BLOC1S3: variants seen among roughly 807,000 people sequenced by gnomAD.
The protein encoded by BLOC1S3 is biogenesis of lysosomal organelles complex 1 subunit 3.
BLOC1S3 carries 7 observed loss-of-function variants against 9.1 expected under a neutral mutation model. That is an observed-to-expected ratio of 0.77 (90% CI 0.44 to 1.45). The LOEUF (loss-of-function observed/expected upper bound fraction) is 1.45, where lower values mean the gene tolerates loss of function less well. BLOC1S3 is among the 40% of genes most tolerant of loss of function. The probability of loss-of-function intolerance (pLI) is 0.01; values close to 1 mark genes in which losing one functional copy is unlikely to be tolerated. For missense variants in BLOC1S3, 307 were observed against 315.2 expected (o/e 0.97, Z 0.20); for synonymous variants, 145 against 158.4 (o/e 0.92, Z 0.64).
At chr19:45,198,490 C>T (rs533697267) in intron 2 of BLOC1S3, among the ~76,000 whole-genome samples, 4 of 152,260 alleles carry the variant, frequency 2.6e-5, no homozygotes, top group South Asian at 2.1e-4. Flanking sequence ...GACAAGGTTT[C>T]GCCATGTTGG....
intron 3 of BLOC1S3, chr19:45,215,997 C>A (rs1969829598): frequency 6.3e-7 from 1 of 1,585,616 alleles, no homozygotes; most frequent in East Asian, 2.3e-5. Context: ...AGGCAGGAAG[C>A]ACAGGGACGG....
intron 3 of BLOC1S3, among the ~76,000 whole-genome samples, chr19:45,214,005 G>A (rs1237214233): frequency 1.3e-5 from 2 of 151,746 alleles, no homozygotes; most frequent in Non-Finnish European, 2.9e-5. Context: ...TAAATCCTCA[G>A]CCCTAGGTAC....
chr19:45,185,348 T>G (rs948870340), downstream of BLOC1S3, among the ~76,000 whole-genome samples: 55 of 152,148 alleles, frequency 3.6e-4, no homozygotes, highest in Non-Finnish European at 6.9e-4. Context: ...AATGAATGAA[T>G]GGCCTTCACA....
chr19:45,216,821 T>C (rs1428983079), exon 4 of BLOC1S3: 1 of 152,112 alleles, frequency 6.6e-6, no homozygotes, highest in South Asian at 2.1e-4. Flanking sequence ...AATCTACAAT[T>C]ATCTCAAAAA....
intron 3 of BLOC1S3, among the ~76,000 whole-genome samples, chr19:45,215,214 C>G (rs1264339475): frequency 6.6e-6 from 1 of 151,932 alleles, no homozygotes; most frequent in Non-Finnish European, 1.5e-5. Context: ...CGGTGGCTCA[C>G]ACTTCCCCAT....
Position 45,199,887 on chromosome 19 carries a change from T to G in BLOC1S3, n.181-2519T>G, listed in dbSNP as rs578234168. 3.1e-4 allele frequency among the ~76,000 whole-genome samples: 47 copies of G among 151,984 alleles called. 1 individual carries two copies. The highest frequency in any genetic ancestry group is 6.2e-4 in the Non-Finnish European group (42 of 68,010). On this transcript the variant is annotated intron_variant and non_coding_transcript_variant, in intron 2 of 3. Coordinates refer to the BLOC1S3 transcript ENST00000591569. ...TTCAATCAATTCTGGAGCCTCAGCC[T>G]CCTGAGTAGCTGGGATTACAGGCAT...
chr19:45,207,254 T>G lies in BLOC1S3; in HGVS notation n.282+4747T>G, dbSNP rs1264073271. 2.0e-5 allele frequency among the ~76,000 whole-genome samples: 3 copies of G among 151,822 alleles called. No individual in the cohort carries two copies. In the South Asian group the frequency reaches 6.2e-4, roughly 32 times the overall value. On this transcript the variant is annotated intron_variant and non_coding_transcript_variant, in intron 3 of 3. Transcript: ENST00000591569. Reference sequence around the variant, plus strand: ...TTCAAGTGATTTTCCTGCCTCAGCCTCCTGAGTAGCTGGGACTACAGGTGC... The same window carrying G: ...TTCAAGTGATTTTCCTGCCTCAGCCGCCTGAGTAGCTGGGACTACAGGTGC...
intron 2 of BLOC1S3, among the ~76,000 whole-genome samples, chr19:45,193,073 T>C (rs1472428520): frequency 7.4e-6 from 1 of 135,998 alleles, no homozygotes; most frequent in African/African-American, 2.7e-5. Context: ...CGGAGGTTGC[T>C]GTGAGCCGAG....
chr19:45,208,064 T>G (rs1396713222), intron 3 of BLOC1S3, among the ~76,000 whole-genome samples: 1 of 151,016 alleles, frequency 6.6e-6, no homozygotes, highest in Non-Finnish European at 1.5e-5. Context: ...AACCTCTACC[T>G]CCTGGGTTCA....
intron 2 of BLOC1S3, among the ~76,000 whole-genome samples, chr19:45,188,935 C>T (rs924351376): frequency 6.6e-6 from 1 of 151,298 alleles, no homozygotes; most frequent in Non-Finnish European, 1.5e-5. Context: ...GGTGCAGTGG[C>T]GTGATCTCTG....
chr19:45,190,543 G>C (rs1969596679), intron 2 of BLOC1S3, among the ~76,000 whole-genome samples: 2 of 150,868 alleles, frequency 1.3e-5, no homozygotes, highest in Non-Finnish European at 3.0e-5. Flanking sequence ...GGGACCACAG[G>C]TGCACACTAC....
intron 3 of BLOC1S3, among the ~76,000 whole-genome samples, chr19:45,207,571 A>AC (rs1568476673): frequency 2.0e-5 from 3 of 149,980 alleles, no homozygotes; most frequent in South Asian, 2.1e-4. Context: ...AAAAAAAAAA[A>AC]AAAAAAAAAA....
At chr19:45,210,003 G>A (rs546368257) in intron 3 of BLOC1S3, among the ~76,000 whole-genome samples, 11 of 152,280 alleles carry the variant, frequency 7.2e-5, no homozygotes, top group African/African-American at 2.6e-4. Context: ...AAAGTGCTGG[G>A]ATTACAGGCG....
At chr19:45,184,238 G>T (rs1286972228), downstream of BLOC1S3, among the ~76,000 whole-genome samples, 3 of 152,140 alleles carry the variant, frequency 2.0e-5, no homozygotes, top group African/African-American at 7.2e-5. Flanking sequence ...GATTGGAGAG[G>T]GTACAAGAGG....
At chr19:45,213,040 G>C (rs1330730549) in intron 3 of BLOC1S3, 1 of 1,459,440 alleles carries the variant, frequency 6.9e-7, no homozygotes, top group South Asian at 1.5e-5. Context: ...GCATAGATGG[G>C]GTCACTAAGG....
chr19:45,189,677 T>G, intron 2 of BLOC1S3, among the ~76,000 whole-genome samples: 1 of 150,574 alleles, frequency 6.6e-6, no homozygotes, highest in Non-Finnish European at 1.5e-5. Context: ...ACTCCCGATC[T>G]CAGGTGATCC....
In BLOC1S3 at chr19:45,194,943, T is replaced by G. The variant is rs1406757422; in HGVS notation, n.180+7203T>G. On this transcript the variant is annotated intron_variant and non_coding_transcript_variant, in intron 2 of 3. Coordinates refer to the BLOC1S3 transcript ENST00000591569. ...GTATGTGTGTTATACTTTTTTTTTT[T>G]TTTTTGAGATGGAGTTTCGCTCTTG... Among the ~76,000 whole-genome samples, 5 of 152,040 alleles carry G rather than the reference T, an allele frequency of 3.3e-5. No individual in the cohort carries two copies. In the East Asian group the frequency reaches 9.7e-4, roughly 29 times the overall value.
At chr19:45,214,169 C>T (rs190909705) in intron 3 of BLOC1S3, among the ~76,000 whole-genome samples, 28 of 152,220 alleles carry the variant, frequency 1.8e-4, no homozygotes, top group Admixed American at 1.8e-3. Flanking sequence ...CCATGGGACT[C>T]CAGGAATATG....
chr19:45,184,906 A>AAC (rs1568471731), downstream of BLOC1S3, among the ~76,000 whole-genome samples: 1 of 106,604 alleles, frequency 9.4e-6, no homozygotes, highest in African/African-American at 4.7e-5. Context: ...TCTCAAACAA[A>AAC]AAAAAAAAAA....
Sources: allele counts gnomAD v4.1 joint callset (sites outside exome capture counted in the v4.1 genomes callset), GRCh38; gene constraint gnomAD v4.1.1; transcripts MANE v1.5; gene names NCBI Gene and HGNC (gene_info 2026-07-23, HGNC 2026-07-21).